Variants in CLASP2 observed in about 807,000 individuals in gnomAD.
CLASP2 encodes the protein cytoplasmic linker associated protein 2, also known as CLIP-associating protein 2.
In CLASP2, 47 loss-of-function variants were observed where a neutral mutation model predicts 194.4. That is an observed-to-expected ratio of 0.24 (90% confidence interval 0.19 to 0.31). The LOEUF (loss-of-function observed/expected upper bound fraction) is 0.31, where lower values mean the gene tolerates loss of function less well. CLASP2 is among the 10% of genes least tolerant of loss of function. The pLI, the probability that CLASP2 is intolerant of heterozygous loss-of-function variation, is 1.00. For missense variants in CLASP2, 1,445 were observed against 1,823.6 expected (o/e 0.79, Z 3.78); for synonymous variants, 619 against 633.5 (o/e 0.98, Z 0.34).
intron 31 of CLASP2, among the ~76,000 whole-genome samples, chr3:33,543,945 TATG>T (rs1221256765): frequency 6.6e-6 from 1 of 152,204 alleles, no homozygotes; most frequent in Non-Finnish European, 1.5e-5. Context: ...ATTCTTAAGA[TATG>T]ATGAAATAAT....
chr3:33,665,139 C>T (rs1030103342), intron 6 of CLASP2, among the ~76,000 whole-genome samples: 22 of 151,296 alleles, frequency 1.5e-4, no homozygotes, highest in Admixed American at 8.6e-4. Context: ...GAGAGGATTT[C>T]GGAGAGCTGT....
At chr3:33,661,883 T>C (rs570209089) in intron 7 of CLASP2, among the ~76,000 whole-genome samples, 4 of 152,278 alleles carry the variant, frequency 2.6e-5, no homozygotes, top group South Asian at 4.1e-4. Context: ...ACGTGATAAA[T>C]AGGTTTCCTT....
At chr3:33,523,685 AT>A (rs1336537512) in intron 34 of CLASP2, among the ~76,000 whole-genome samples, 1 of 152,210 alleles carries the variant, frequency 6.6e-6, no homozygotes, top group Non-Finnish European at 1.5e-5. Flanking sequence ...AAAAACTACT[AT>A]TATTGTAATA....
At chr3:33,613,135 C>T (rs2075498024) in intron 12 of CLASP2, among the ~76,000 whole-genome samples, 1 of 152,062 alleles carries the variant, frequency 6.6e-6, no homozygotes, top group African/African-American at 2.4e-5. Flanking sequence ...CACATGTACC[C>T]CCAAAATATG....
At chr3:33,533,535 A>G (rs1412697485) in intron 34 of CLASP2, among the ~76,000 whole-genome samples, 1 of 152,224 alleles carries the variant, frequency 6.6e-6, no homozygotes, top group Non-Finnish European at 1.5e-5. Flanking sequence ...AATCAAGGAA[A>G]TGTACATTCA....
At chr3:33,612,821 T>C (rs1271348131) in intron 12 of CLASP2, among the ~76,000 whole-genome samples, 1 of 152,088 alleles carries the variant, frequency 6.6e-6, no homozygotes, top group Non-Finnish European at 1.5e-5. Context: ...TTCTCACTCA[T>C]GTGGGAGATA....
chr3:33,518,377 C>T (rs149047740), intron 34 of CLASP2, among the ~76,000 whole-genome samples: 2 of 152,184 alleles, frequency 1.3e-5, no homozygotes, highest in African/African-American at 4.8e-5. Context: ...AACAAAATAC[C>T]AGAGTTCCTC....
At chr3:33,713,629 C>G (rs2093143664) in intron 1 of CLASP2, among the ~76,000 whole-genome samples, 1 of 151,956 alleles carries the variant, frequency 6.6e-6, no homozygotes, top group Admixed American at 6.6e-5. Flanking sequence ...ACATGAAATG[C>G]TAGCACACAG....
At chr3:33,621,940 T>G (rs1406382082) in intron 11 of CLASP2, among the ~76,000 whole-genome samples, 195 bp downstream of exon 11, 1 of 152,156 alleles carries the variant, frequency 6.6e-6, no homozygotes, top group Non-Finnish European at 1.5e-5. Context: ...TATACCAACC[T>G]TAAAATGTTG....
chr3:33,531,428 T>A (rs1347126634), intron 34 of CLASP2, among the ~76,000 whole-genome samples: 1 of 152,064 alleles, frequency 6.6e-6, no homozygotes, highest in African/African-American at 2.4e-5. Context: ...AAATGGCCAA[T>A]AAGCACAGGA....
intron 29 of CLASP2, 91 bp from the exon 30 acceptor site, chr3:33,551,486 ATTTT>A: frequency 9.5e-7 from 1 of 1,055,264 alleles, no homozygotes; most frequent in Non-Finnish European, 1.3e-6. Context: ...GATGATGATG[ATTTT>A]TTTTTTTATA....
chr3:33,582,866 G>C (rs1390563388), intron 22 of CLASP2, among the ~76,000 whole-genome samples: 1 of 152,172 alleles, frequency 6.6e-6, no homozygotes, highest in African/African-American at 2.4e-5. Context: ...AACTTCAGAG[G>C]CTCATGGGCC....
At chr3:33,530,142 T>C (rs1204611892) in intron 34 of CLASP2, among the ~76,000 whole-genome samples, 1 of 150,830 alleles carries the variant, frequency 6.6e-6, no homozygotes, top group African/African-American at 2.4e-5. Flanking sequence ...TAAGTATGAG[T>C]ACACTCTAAA....
At chr3:33,712,715 C>T (rs2093074766) in intron 1 of CLASP2, among the ~76,000 whole-genome samples, 1 of 152,168 alleles carries the variant, frequency 6.6e-6, no homozygotes, top group Non-Finnish European at 1.5e-5. Flanking sequence ...GTAATCCCAA[C>T]ACTTTGGGAG....
chr3:33,560,708 A>G, intron 28 of CLASP2, 100 bp downstream of exon 28: 1 of 1,006,890 alleles, frequency 9.9e-7, no homozygotes, highest in South Asian at 1.6e-5. Context: ...CATGCAGTCT[A>G]AATTGTTCAA....
intron 6 of CLASP2, among the ~76,000 whole-genome samples, chr3:33,665,296 G>T (rs1357333339): frequency 6.6e-6 from 1 of 152,072 alleles, no homozygotes; most frequent in Non-Finnish European, 1.5e-5. Context: ...ATGGAGACAG[G>T]AATCTGGATG....
At chr3:33,566,614 G>C in intron 27 of CLASP2, 118 bp downstream of exon 27, 1 of 325,810 alleles carries the variant, frequency 3.1e-6, no homozygotes, top group Non-Finnish European at 6.1e-6. Flanking sequence ...ATAGCATTTC[G>C]TGGATTGCAA....
intron 7 of CLASP2, 48 bp from the exon 8 acceptor site, chr3:33,644,951 C>G (rs2082029687): frequency 6.5e-7 from 1 of 1,538,380 alleles, no homozygotes; most frequent in Admixed American, 2.0e-5. Context: ...AAGCTTTGTT[C>G]CATTTTCCCT....
At chr3:33,569,997 C>T (rs933966906) in intron 26 of CLASP2, among the ~76,000 whole-genome samples, 7 of 152,064 alleles carry the variant, frequency 4.6e-5, no homozygotes, top group African/African-American at 1.7e-4. Context: ...TGCCACATCT[C>T]CCGCTCACTT....
Sources: allele counts gnomAD v4.1 joint callset (sites outside exome capture counted in the v4.1 genomes callset), GRCh38; gene constraint gnomAD v4.1.1; transcripts MANE v1.5; gene names NCBI Gene and HGNC (gene_info 2026-07-23, HGNC 2026-07-21).